The following TBC1D22A variants were observed in gnomAD, a reference collection of about 807,000 sequenced individuals.
TBC1D22A encodes the protein TBC1 domain family member 22A.
In TBC1D22A, 38 loss-of-function variants were observed where a neutral mutation model predicts 60.2. That is an observed-to-expected ratio of 0.63 (90% CI 0.49 to 0.83). The LOEUF (loss-of-function observed/expected upper bound fraction) is 0.83. Among genes scored for constraint, TBC1D22A ranks in the 40% least tolerant of loss-of-function variants. The probability of loss-of-function intolerance (pLI) is 0.00; values close to 1 mark genes in which losing one functional copy is unlikely to be tolerated. For synonymous variants in TBC1D22A, 302 were observed against 281.7 expected, an observed-to-expected ratio of 1.07 and a Z score of -0.72; for missense variants, 628 against 701.0, an observed-to-expected ratio of 0.90 and a Z score of 1.18.
At chr22:47,081,563 T>G (rs966194669) in intron 11 of TBC1D22A, among the ~76,000 whole-genome samples, 3 of 152,198 alleles carry the variant, frequency 2.0e-5, no homozygotes, top group African/African-American at 7.2e-5. Flanking sequence ...TCCTTTGGAT[T>G]ATATAGATAG....
chr22:46,985,801 C>T (rs985075510), intron 9 of TBC1D22A, among the ~76,000 whole-genome samples: 1 of 152,228 alleles, frequency 6.6e-6, no homozygotes, highest in African/African-American at 2.4e-5. Context: ...ACTGCGTTCC[C>T]CACAGGGTCT....
At chr22:46,945,386 CGTT>C (rs1379304683) in intron 8 of TBC1D22A, among the ~76,000 whole-genome samples, 8 of 152,178 alleles carry the variant, frequency 5.3e-5, no homozygotes, top group Non-Finnish European at 1.0e-4. Flanking sequence ...TTATTTAGCA[CGTT>C]GTTTCTGAAG....
intron 1 of TBC1D22A, among the ~76,000 whole-genome samples, chr22:46,771,729 G>A (rs1013466956): frequency 1.4e-4 from 22 of 152,046 alleles, no homozygotes; most frequent in African/African-American, 5.3e-4. Context: ...CGAGTGGCTG[G>A]GATTATAGGC....
intron 4 of TBC1D22A, among the ~76,000 whole-genome samples, chr22:46,829,226 T>TA (rs1406987675): frequency 6.6e-6 from 1 of 152,254 alleles, no homozygotes; most frequent in African/African-American, 2.4e-5. Context: ...GTTTCATAGT[T>TA]ACTTGTGGCC....
intron 8 of TBC1D22A, among the ~76,000 whole-genome samples, chr22:46,920,088 A>ATGTATGTATGTATGTATGTATGTATGT (rs60783794): frequency 6.9e-6 from 1 of 145,790 alleles, no homozygotes; most frequent in African/African-American, 2.5e-5. Context: ...TGTATGTATG[A>ATGTATGTATGTATGTATGTATGTATGT]ATGAAGGAGA....
chr22:46,973,746 A>G (rs2074173690), intron 8 of TBC1D22A, among the ~76,000 whole-genome samples: 3 of 152,184 alleles, frequency 2.0e-5, no homozygotes, highest in Non-Finnish European at 4.4e-5. Context: ...GGTTTTTTGT[A>G]CTTTAAGAAG....
At chr22:46,887,474 T>C (rs918129908) in intron 5 of TBC1D22A, among the ~76,000 whole-genome samples, 2 of 152,244 alleles carry the variant, frequency 1.3e-5, no homozygotes, top group Non-Finnish European at 2.9e-5. Context: ...GCATCTCATG[T>C]ACTGTAAAAG....
intron 12 of TBC1D22A, among the ~76,000 whole-genome samples, chr22:47,137,477 C>T (rs1018183775): frequency 2.9e-4 from 44 of 152,202 alleles, no homozygotes; most frequent in African/African-American, 9.6e-4. Context: ...CACCTCCCTG[C>T]ACCCCTGCTT....
At chr22:46,796,035 G>C (rs566457149) in intron 3 of TBC1D22A, among the ~76,000 whole-genome samples, 2 of 152,308 alleles carry the variant, frequency 1.3e-5, no homozygotes, top group Non-Finnish European at 1.5e-5. Context: ...GGAAACTCTG[G>C]AGCCAGACGC....
At chr22:46,896,035 A>G (rs2068658984) in intron 7 of TBC1D22A, among the ~76,000 whole-genome samples, 1 of 152,068 alleles carries the variant, frequency 6.6e-6, no homozygotes, top group Admixed American at 6.5e-5. Flanking sequence ...CCAGTTCTTC[A>G]TGCTGTGGGA....
At position 46,793,630 on chromosome 22, in the gene TBC1D22A, C is replaced by T. The variant is rs139626865; in HGVS notation, c.249C>T (p.Ala83=). Residue 83 remains alanine, a synonymous_variant, in exon 3 of 13, where the codon GCC becomes GCT. Coordinates refer to ENST00000337137, the MANE Select transcript of TBC1D22A (RefSeq NM_014346.5). ...DAGEDDDELL[A]MAAESLNSEV... Reference sequence around the variant, plus strand: ...GGGAGGACGACGATGAGCTCCTGGCCATGGCGGCGGAGAGCCTGAACTCCG... The same window carrying T: ...GGGAGGACGACGATGAGCTCCTGGCTATGGCGGCGGAGAGCCTGAACTCCG... 12 of 1,613,732 alleles carry T rather than the reference C, an allele frequency of 7.4e-6. No individual in the cohort carries two copies. Among genetic ancestry groups the T allele is most frequent in the Non-Finnish European group, 1.0e-5 (12 of 1,180,054 alleles).
intron 12 of TBC1D22A, among the ~76,000 whole-genome samples, chr22:47,125,456 C>G (rs1158416421): frequency 6.6e-6 from 1 of 152,164 alleles, no homozygotes; most frequent in Non-Finnish European, 1.5e-5. Flanking sequence ...CGAAAAGCTC[C>G]CTATTAAATT....
At chr22:47,076,361 G>GTGTATATATATATATATATA (rs1392245000) in intron 11 of TBC1D22A, among the ~76,000 whole-genome samples, 34 of 101,698 alleles carry the variant, frequency 3.3e-4, no homozygotes, top group Admixed American at 6.5e-4. Context: ...ATATGTGTGT[G>GTGTATATATATATATATATA]TATATATATA....
At chr22:47,064,389 C>A (rs943090887) in intron 11 of TBC1D22A, among the ~76,000 whole-genome samples, 4 of 152,262 alleles carry the variant, frequency 2.6e-5, no homozygotes, top group African/African-American at 9.6e-5. Context: ...CCCTGTTGCA[C>A]GTCTCTGCAG....
chr22:46,989,758 G>GCCAC (rs1555985740), intron 9 of TBC1D22A, among the ~76,000 whole-genome samples: 4 of 109,026 alleles, frequency 3.7e-5, no homozygotes, highest in African/African-American at 1.8e-4. Flanking sequence ...ATGTGACAGA[G>GCCAC]TCACACACAC....
chr22:46,819,136 G>A (rs1026958817), intron 4 of TBC1D22A, among the ~76,000 whole-genome samples: 2 of 152,160 alleles, frequency 1.3e-5, no homozygotes, highest in Non-Finnish European at 2.9e-5. Flanking sequence ...TTTTTGGGCT[G>A]AGCTGATGGG....
chr22:46,904,681 T>A (rs570188964), intron 7 of TBC1D22A, among the ~76,000 whole-genome samples: 44 of 151,398 alleles, frequency 2.9e-4, no homozygotes, highest in African/African-American at 1.0e-3. Context: ...TTGGTCAGGC[T>A]GGTCTTGAAC....
chr22:47,011,467 T>C (rs2061750049), intron 10 of TBC1D22A, among the ~76,000 whole-genome samples: 1 of 152,200 alleles, frequency 6.6e-6, no homozygotes, highest in African/African-American at 2.4e-5. Context: ...CTTTTTTGGC[T>C]TCGACCACAT....
intron 11 of TBC1D22A, among the ~76,000 whole-genome samples, chr22:47,055,945 G>T (rs1341161729): frequency 6.6e-6 from 1 of 152,194 alleles, no homozygotes; most frequent in East Asian, 1.9e-4. Context: ...GAGGGTCCTT[G>T]CCATTTGGCT....
Sources: allele counts gnomAD v4.1 joint callset (sites outside exome capture counted in the v4.1 genomes callset), GRCh38; gene constraint gnomAD v4.1.1; transcripts MANE v1.5; gene names NCBI Gene and HGNC (gene_info 2026-07-23, HGNC 2026-07-21).